VTI1A: variants seen among roughly 807,000 people sequenced by gnomAD.
VTI1A encodes the protein vesicle transport through interaction with t-SNAREs homolog 1A.
VTI1A carries 22 observed loss-of-function variants against 34.9 expected under a neutral mutation model. The ratio of observed to expected loss-of-function variants is 0.63; its 90% CI spans 0.45 to 0.90. The LOEUF is 0.90. Ranked by LOEUF, VTI1A falls within the 40% of genes least tolerant of loss-of-function variation. VTI1A has a pLI of 0.00. For missense variants in VTI1A, 268 were observed against 275.6 expected, an observed-to-expected ratio of 0.97 and a Z score of 0.20; for synonymous variants, 87 against 97.3, an observed-to-expected ratio of 0.89 and a Z score of 0.62.
chr10:112,635,229 T>A (rs1413874762), intron 5 of VTI1A, among the ~76,000 whole-genome samples: 1 of 152,154 alleles, frequency 6.6e-6, no homozygotes, highest in Non-Finnish European at 1.5e-5. Context: ...GGCATGTAAA[T>A]CTTGTGGAGA....
In VTI1A at chr10:112,673,463, C is replaced by CGT. The variant is rs550156932; in HGVS notation, c.560+4466_560+4467insTG. Among the ~76,000 whole-genome samples, 298 of 47,648 alleles carry CGT rather than the reference C, an allele frequency of 6.3e-3. 2 individuals are homozygous for CGT. The highest frequency in any genetic ancestry group is 0.021 in the African/African-American group (283 of 13,248). The allele number at this position is 47,648 out of a possible 152,430, so 31.3% of individuals were successfully genotyped here. On this transcript the variant is annotated intron_variant, in intron 7 of 7. Transcript: ENST00000393077. ...CCCCATTCACACACATGCGCGCGTG[C>CGT]GCGCGCACACACACACACACGCACT...
At chr10:112,789,358 G>A (rs1018856252) in intron 7 of VTI1A, among the ~76,000 whole-genome samples, 2 of 152,280 alleles carry the variant, frequency 1.3e-5, no homozygotes, top group South Asian at 2.1e-4. Context: ...TTGACACTTA[G>A]AATATGTCAT....
intron 3 of VTI1A, among the ~76,000 whole-genome samples, chr10:112,489,659 G>A (rs1848755632): frequency 6.6e-6 from 1 of 152,114 alleles, no homozygotes; most frequent in Non-Finnish European, 1.5e-5. Context: ...CCAGCTGGAT[G>A]CTTATAAGTG....
the VTI1A span, among the ~76,000 whole-genome samples, chr10:112,847,113 G>C: frequency 2.6e-5 from 4 of 152,180 alleles, no homozygotes; most frequent in Admixed American, 2.6e-4. Context: ...CTGTCACCAG[G>C]ATCCAAAGAA....
At chr10:112,839,018 G>A in the VTI1A span, among the ~76,000 whole-genome samples, 5 of 152,170 alleles carry the variant, frequency 3.3e-5, no homozygotes, top group Admixed American at 6.5e-5. Context: ...GGGTCACCTC[G>A]CAGCTCAGCC....
At chr10:112,624,243 C>T (rs1845836931) in intron 5 of VTI1A, among the ~76,000 whole-genome samples, 1 of 151,930 alleles carries the variant, frequency 6.6e-6, no homozygotes, top group African/African-American at 2.4e-5. Flanking sequence ...ATGGATTATT[C>T]TGGCAGCAGG....
intron 5 of VTI1A, among the ~76,000 whole-genome samples, chr10:112,665,145 C>G (rs1015199623): frequency 3.3e-5 from 5 of 152,078 alleles, no homozygotes; most frequent in African/African-American, 1.2e-4. Context: ...ATGCTTACAT[C>G]TTCAGTTAAA....
At chr10:112,676,367 C>T (rs1396966492) in intron 7 of VTI1A, among the ~76,000 whole-genome samples, 1 of 152,036 alleles carries the variant, frequency 6.6e-6, no homozygotes, top group Non-Finnish European at 1.5e-5. Context: ...ACACATTTCC[C>T]ATCTCATTTA....
At chr10:112,849,181 CAGAA>C in the VTI1A span, among the ~76,000 whole-genome samples, 4 of 152,210 alleles carry the variant, frequency 2.6e-5, no homozygotes, top group Admixed American at 6.5e-5. Context: ...TGTAGCAAGA[CAGAA>C]GGAACCAAGG....
At chr10:112,520,389 T>C (rs924955188) in intron 3 of VTI1A, among the ~76,000 whole-genome samples, 3 of 152,048 alleles carry the variant, frequency 2.0e-5, no homozygotes, top group African/African-American at 7.2e-5. Flanking sequence ...CTAACTTATG[T>C]TGCCTTTTGA....
intron 3 of VTI1A, among the ~76,000 whole-genome samples, chr10:112,477,959 A>AGAGTGTTAG (rs1385169006): frequency 9.2e-5 from 14 of 152,234 alleles, no homozygotes; most frequent in African/African-American, 2.9e-4. Flanking sequence ...CTTAGGAGAA[A>AGAGTGTTAG]ATTACTATCC....
At chr10:112,658,923 A>G (rs1847338264) in intron 5 of VTI1A, among the ~76,000 whole-genome samples, 1 of 152,236 alleles carries the variant, frequency 6.6e-6, no homozygotes, top group South Asian at 2.1e-4. Flanking sequence ...AAAGCAAAAG[A>G]TGTTTGCTAG....
intron 7 of VTI1A, among the ~76,000 whole-genome samples, chr10:112,785,065 C>G (rs536537571): frequency 6.6e-6 from 1 of 152,278 alleles, no homozygotes; most frequent in East Asian, 1.9e-4. Flanking sequence ...TTTCATTGTT[C>G]TCTACTGTAA....
chr10:112,805,143 A>C (rs957110163), intron 7 of VTI1A, among the ~76,000 whole-genome samples: 8 of 152,052 alleles, frequency 5.3e-5, no homozygotes, highest in Non-Finnish European at 1.0e-4. Flanking sequence ...TGGAGATTAC[A>C]GTCGTGAGCC....
intron 1 of VTI1A, among the ~76,000 whole-genome samples, chr10:112,454,009 C>T (rs1337345801): frequency 2.0e-5 from 3 of 152,174 alleles, no homozygotes; most frequent in Non-Finnish European, 2.9e-5. Context: ...CAGCTCTAAT[C>T]CATTATCAGA....
chr10:112,594,034 C>T (rs987087922), intron 5 of VTI1A, among the ~76,000 whole-genome samples: 22 of 151,978 alleles, frequency 1.4e-4, no homozygotes, highest in Non-Finnish European at 3.1e-4. Flanking sequence ...CTCAGCCTCC[C>T]GAGCAGCTGG....
intron 2 of VTI1A, among the ~76,000 whole-genome samples, chr10:112,460,998 C>G (rs1847709158): frequency 6.6e-6 from 1 of 152,120 alleles, no homozygotes; most frequent in Admixed American, 6.5e-5. Context: ...TCTCAAGTGA[C>G]TCACTTGCTT....
At chr10:112,834,789 C>G in the VTI1A span, among the ~76,000 whole-genome samples, 3 of 152,214 alleles carry the variant, frequency 2.0e-5, no homozygotes, top group African/African-American at 4.8e-5. Flanking sequence ...AGGAGACCAG[C>G]TCCTGAAACC....
At chr10:112,601,517 A>G (rs999018596) in intron 5 of VTI1A, among the ~76,000 whole-genome samples, 3 of 151,998 alleles carry the variant, frequency 2.0e-5, no homozygotes, top group African/African-American at 7.3e-5. Flanking sequence ...CCAGGCACCA[A>G]TGCCTTGTCG....
Sources: gnomAD v4.1 joint callset for allele counts (sites outside exome capture counted in the v4.1 genomes callset) on GRCh38, gnomAD v4.1.1 for gene constraint, MANE v1.5 for transcripts, NCBI Gene and HGNC (gene_info 2026-07-23, HGNC 2026-07-21) for gene names.